The following RBFOX1 variants were observed in gnomAD, a reference collection of about 807,000 sequenced individuals.
The protein encoded by RBFOX1 is RNA binding protein fox-1 homolog 1.
A neutral mutation model predicts 57.7 loss-of-function variants in RBFOX1; 8 were observed. The ratio of observed to expected loss-of-function variants is 0.14; its 90% confidence interval spans 0.08 to 0.25. The LOEUF (loss-of-function observed/expected upper bound fraction) is 0.25, where lower values mean the gene tolerates loss of function less well. RBFOX1 is among the 10% of genes least tolerant of loss of function. RBFOX1 has a pLI of 1.00. For missense variants in RBFOX1, 611 were observed against 548.5 expected, an observed-to-expected ratio of 1.11 and a Z score of -1.14; for synonymous variants, 326 against 222.4, an observed-to-expected ratio of 1.47 and a Z score of -4.15.
At chr16:7,459,837 T>G (rs763215189) in intron 4 of RBFOX1, among the ~76,000 whole-genome samples, 1 of 152,192 alleles carries the variant, frequency 6.6e-6, no homozygotes, top group South Asian at 2.1e-4. Flanking sequence ...CCACCATACA[T>G]ACACATTTAT....
At chr16:6,353,137 C>T (rs528465824) in intron 2 of RBFOX1, among the ~76,000 whole-genome samples, 84 of 152,184 alleles carry the variant, frequency 5.5e-4, no homozygotes, top group Non-Finnish European at 1.0e-3. Context: ...AATCCGCCTC[C>T]TATAAACCTG....
intron 4 of RBFOX1, among the ~76,000 whole-genome samples, chr16:5,890,185 C>T (rs899569488): frequency 6.6e-6 from 1 of 152,100 alleles, no homozygotes; most frequent in Non-Finnish European, 1.5e-5. Context: ...TGCTTAAGTA[C>T]GATACTGTAC....
chr16:7,488,713 G>A (rs1460873421), intron 4 of RBFOX1, among the ~76,000 whole-genome samples: 7 of 151,584 alleles, frequency 4.6e-5, no homozygotes, highest in Non-Finnish European at 8.8e-5. Flanking sequence ...CCCTTATCTA[G>A]CTATACATTC....
At chr16:6,107,902 A>G (rs949140422) in intron 1 of RBFOX1, among the ~76,000 whole-genome samples, 1 of 152,130 alleles carries the variant, frequency 6.6e-6, no homozygotes, top group African/African-American at 2.4e-5. Context: ...TGGAAATTGA[A>G]TTTCAGAGTT....
At chr16:5,344,351 C>T (rs1025786285) in intron 1 of RBFOX1, among the ~76,000 whole-genome samples, 1 of 152,156 alleles carries the variant, frequency 6.6e-6, no homozygotes, top group African/African-American at 2.4e-5. Flanking sequence ...TGGTAAGTCT[C>T]CCTCTGTTTT....
At chr16:6,928,499 G>A (rs2076002771) in intron 3 of RBFOX1, among the ~76,000 whole-genome samples, 1 of 152,110 alleles carries the variant, frequency 6.6e-6, no homozygotes. Flanking sequence ...CTGCTTTCAT[G>A]CGTTAATTAT....
At chr16:6,976,636 C>G (rs1007302032) in intron 3 of RBFOX1, among the ~76,000 whole-genome samples, 1 of 150,776 alleles carries the variant, frequency 6.6e-6, no homozygotes, top group Non-Finnish European at 1.5e-5. Flanking sequence ...AACGCATCCA[C>G]CCTAGGTACA....
At chr16:6,540,289 A>G (rs117614036) in intron 2 of RBFOX1, among the ~76,000 whole-genome samples, 3 of 146,446 alleles carry the variant, frequency 2.0e-5, no homozygotes, top group African/African-American at 7.5e-5. Flanking sequence ...GTAGATAGCC[A>G]TCATATAAGC....
At chr16:5,441,749 A>G (rs2068091260) in intron 1 of RBFOX1, among the ~76,000 whole-genome samples, 1 of 152,122 alleles carries the variant, frequency 6.6e-6, no homozygotes, top group South Asian at 2.1e-4. Context: ...GGCAGAAAAC[A>G]TGTCCTTCTT....
intron 6 of RBFOX1, among the ~76,000 whole-genome samples, chr16:7,580,306 A>C (rs1416433384): frequency 1.3e-5 from 2 of 152,206 alleles, no homozygotes; most frequent in Admixed American, 6.5e-5. Context: ...TACAGTTGTC[A>C]AATGATCCAG....
intron 3 of RBFOX1, among the ~76,000 whole-genome samples, chr16:5,813,630 G>A (rs1320865359): frequency 6.6e-6 from 1 of 152,202 alleles, no homozygotes; most frequent in African/African-American, 2.4e-5. Flanking sequence ...TGAGTTTTAA[G>A]TGTTCTTTAT....
chr16:7,329,732 C>T (rs933080635), intron 4 of RBFOX1, among the ~76,000 whole-genome samples: 1 of 152,102 alleles, frequency 6.6e-6, no homozygotes, highest in African/African-American at 2.4e-5. Flanking sequence ...AGGGACAGCC[C>T]TTATTTTCAC....
At chr16:7,630,705 T>A in intron 11 of RBFOX1, 22 bp downstream of exon 11, 1 of 1,613,722 alleles carries the variant, frequency 6.2e-7, no homozygotes, top group Non-Finnish European at 8.5e-7. Context: ...GTCGTGGCTC[T>A]TTTTGTTTTG....
chr16:6,801,177 G>A lies in RBFOX1; in HGVS notation c.-16+146527G>A, dbSNP rs553201336. Among the ~76,000 whole-genome samples, 5 of 145,586 alleles carry A rather than the reference G, an allele frequency of 3.4e-5. No individual in the cohort carries two copies. The East Asian group carries it at 1.0e-3, about 29-fold the overall frequency. ...GATGTCTTGGAACACACTGTGAATGGCAAGAATCAAGATTGAACATGCAAA... is the reference window on the plus strand; with the variant it reads ...GATGTCTTGGAACACACTGTGAATGACAAGAATCAAGATTGAACATGCAAA... On this transcript the variant is annotated intron_variant, in intron 3 of 15. Transcript: ENST00000550418.
chr16:6,423,726 G>A lies in RBFOX1; in HGVS notation c.-64+106669G>A, dbSNP rs890663422. On this transcript the variant is annotated intron_variant, in intron 2 of 15. Coordinates refer to ENST00000550418, the MANE Select transcript of RBFOX1 (RefSeq NM_018723.4). ...GATGGAGAGACATGCCCCAGAGGAC[G>A]TGGGGAGGTGTAGGAATCCCAGCCG... Among the ~76,000 whole-genome samples, 4 of 152,162 alleles carry A rather than the reference G, an allele frequency of 2.6e-5. No homozygotes were observed. The East Asian group carries it at 5.8e-4, about 22-fold the overall frequency.
chr16:7,121,632 G>C (rs745392968), intron 4 of RBFOX1, among the ~76,000 whole-genome samples: 1 of 151,950 alleles, frequency 6.6e-6, no homozygotes, highest in Non-Finnish European at 1.5e-5. Context: ...GTACAAATTG[G>C]TGTATAAGTT....
chr16:6,060,078 A>T (rs1387153721), intron 1 of RBFOX1, among the ~76,000 whole-genome samples: 1 of 148,286 alleles, frequency 6.7e-6, no homozygotes, highest in African/African-American at 2.5e-5. Flanking sequence ...ATTGTTTAAA[A>T]AAATAGGTAA....
At position 7,555,306 on chromosome 16, in the gene RBFOX1, G is replaced by C. The variant is rs559359220; in HGVS notation, c.271-24471G>C. ...CCTGTAAATGCAACTTGATGTCCTA[G>C]AATGGATTCTGGAACAGAAAAAGGA... On this transcript the variant is annotated intron_variant, in intron 5 of 15. Transcript: ENST00000550418. Among the ~76,000 whole-genome samples, 3 of 152,300 alleles carry C rather than the reference G, an allele frequency of 2.0e-5. No individual in the cohort carries two copies. In the South Asian group the frequency reaches 6.2e-4, roughly 32 times the overall value.
chr16:7,628,601 C>G (rs1185367826), intron 10 of RBFOX1, among the ~76,000 whole-genome samples: 3 of 152,088 alleles, frequency 2.0e-5, no homozygotes, highest in Admixed American at 6.6e-5. Context: ...AAAGTATCAT[C>G]TCATACGTTG....
Sources: gnomAD v4.1 joint callset for allele counts (sites outside exome capture counted in the v4.1 genomes callset) on GRCh38, gnomAD v4.1.1 for gene constraint, MANE v1.5 for transcripts, NCBI Gene and HGNC (gene_info 2026-07-23, HGNC 2026-07-21) for gene names.